Variants in STK38L observed in about 807,000 individuals in gnomAD.
STK38L encodes the protein serine/threonine kinase 38 like.
STK38L carries 28 observed loss-of-function variants against 59.7 expected under a neutral mutation model. That is an observed-to-expected ratio of 0.47 (90% CI 0.35 to 0.64). STK38L has a LOEUF of 0.64. Among genes scored for constraint, STK38L ranks in the 30% least tolerant of loss-of-function variants. The probability of loss-of-function intolerance (pLI) is 0.01; values close to 1 mark genes in which losing one functional copy is unlikely to be tolerated. For synonymous variants in STK38L, 162 were observed against 176.8 expected (o/e 0.92, Z 0.66); for missense variants, 314 against 555.8 (o/e 0.56, Z 4.37).
chr12:27,251,817 A>G (rs1942980749), intron 1 of STK38L, among the ~76,000 whole-genome samples: 1 of 152,242 alleles, frequency 6.6e-6, no homozygotes, highest in African/African-American at 2.4e-5. Flanking sequence ...ATGAAATGTT[A>G]AAGTCCTTAA....
At chr12:27,313,090 T>TA (rs998872205) in intron 6 of STK38L, among the ~76,000 whole-genome samples, 11 of 151,588 alleles carry the variant, frequency 7.3e-5, no homozygotes, top group African/African-American at 2.7e-4. Context: ...CTACTAAAAA[T>TA]AAAAAAAATT....
chr12:27,265,544 G>A (rs1385577309), intron 1 of STK38L, among the ~76,000 whole-genome samples: 2 of 152,184 alleles, frequency 1.3e-5, no homozygotes, highest in African/African-American at 4.8e-5. Context: ...TCTGTAAGCA[G>A]AGACCTCTGT....
At chr12:27,244,665 G>A (rs1942811238) in intron 1 of STK38L, among the ~76,000 whole-genome samples, 1 of 152,130 alleles carries the variant, frequency 6.6e-6, no homozygotes, top group Non-Finnish European at 1.5e-5. Context: ...CAAATGTCGC[G>A]GATCCTCTCC....
intron 1 of STK38L, among the ~76,000 whole-genome samples, chr12:27,266,571 T>A (rs1464417603): frequency 7.9e-5 from 12 of 152,230 alleles, no homozygotes; most frequent in Admixed American, 7.9e-4. Flanking sequence ...CACATGTTCA[T>A]ACAACACAGA....
chr12:27,317,201 C>T, intron 9 of STK38L, 135 bp from the exon 10 acceptor site: 1 of 653,234 alleles, frequency 1.5e-6, no homozygotes. Flanking sequence ...AAGCCTTGCA[C>T]ATGATAAACA....
chr12:27,262,709 TA>T (rs11350734), intron 1 of STK38L, among the ~76,000 whole-genome samples: 103,955 of 132,980 alleles, frequency 0.78, 40,928 homozygotes, highest in Non-Finnish European at 0.82. Flanking sequence ...TATCTCTAAT[TA>T]AAAAAAAAAA....
chr12:27,319,240 T>C lies in STK38L; in HGVS notation c.1080-88T>C, dbSNP rs1156480783. The C allele has an allele frequency of 6.3e-6, 5 of 788,874 alleles. No individual in the cohort carries two copies. The Admixed American group carries it at 1.3e-4, about 21-fold the overall frequency. The allele number at this position is 788,874 out of a possible 1,614,324, so 48.9% of individuals were successfully genotyped here. The stretch of plus-strand genomic sequence containing the variant: ...ATCAATAAAAGAAAAACATTATATT[T>C]CTTTAAAAAAGAAATATTTGAAGTA... On this transcript the variant is annotated intron_variant, in intron 11 of 13. Transcript: ENST00000389032.
intron 2 of STK38L, chr12:27,298,120 A>G (rs1489849799): frequency 3.0e-6 from 1 of 334,668 alleles, no homozygotes; most frequent in East Asian, 5.2e-5. Flanking sequence ...TGAAATTATG[A>G]TATGTCTTTA....
chr12:27,285,329 C>T (rs1485178743), intron 1 of STK38L, among the ~76,000 whole-genome samples: 1 of 152,110 alleles, frequency 6.6e-6, no homozygotes, highest in African/African-American at 2.4e-5. Flanking sequence ...TTCAGTGATG[C>T]AGAAGCTTTG....
At chr12:27,276,597 G>A (rs12370055) in intron 1 of STK38L, among the ~76,000 whole-genome samples, 15,461 of 152,166 alleles carry the variant, frequency 0.1, 1,039 homozygotes, top group Non-Finnish European at 0.15. Flanking sequence ...GTAGATACTA[G>A]TTAGTAAAAA....
intron 1 of STK38L, 102 bp from the exon 2 acceptor site, chr12:27,297,595 TGTTAACTGTTAGG>T: frequency 1.0e-6 from 1 of 971,054 alleles, no homozygotes; most frequent in East Asian, 2.6e-5. Context: ...TACTTGGATG[TGTTAACTGTTAGG>T]GTCGAATTTT....
intron 1 of STK38L, among the ~76,000 whole-genome samples, chr12:27,255,627 C>T (rs946690513): frequency 3.3e-5 from 5 of 152,112 alleles, no homozygotes; most frequent in African/African-American, 4.8e-5. Flanking sequence ...ATTTAAGTTC[C>T]TTGCCTAAAG....
intron 2 of STK38L, among the ~76,000 whole-genome samples, chr12:27,300,885 T>C (rs1944152783): frequency 6.6e-6 from 1 of 152,218 alleles, no homozygotes; most frequent in African/African-American, 2.4e-5. Context: ...AGCTTACCTT[T>C]GGACATGTAG....
rs1565554028 is a variant in STK38L at position 27,313,265 on chromosome 12, AAT to A, written c.517+595_517+596del. Among the ~76,000 whole-genome samples, 27 of 151,738 alleles carry A rather than the reference AAT, an allele frequency of 1.8e-4. 1 individual carries two copies. The highest frequency in any genetic ancestry group is 1.5e-3 in the South Asian group (7 of 4,814). On this transcript the variant is annotated intron_variant, in intron 6 of 13. Transcript: ENST00000389032. ...CTACGTCTCAAAAAAAAAAAAAAAAAATACCTGAGACTGTGTAATTTATAAAG... is the reference window on the plus strand; with the variant it reads ...CTACGTCTCAAAAAAAAAAAAAAAAAACCTGAGACTGTGTAATTTATAAAG...
chr12:27,291,459 T>A (rs1943894255), intron 1 of STK38L, among the ~76,000 whole-genome samples: 1 of 152,196 alleles, frequency 6.6e-6, no homozygotes, highest in African/African-American at 2.4e-5. Flanking sequence ...TTCTCCCTAC[T>A]TTGTGTCTCC....
chr12:27,281,101 T>G lies in STK38L; in HGVS notation c.-11-16609T>G, dbSNP rs1285753262. ...TTTTTTTTTTTTTTTTTTTTTTTTTTTTGAGACGGAGTCTCGCTCTGTCGC... is the reference window on the plus strand; with the variant it reads ...TTTTTTTTTTTTTTTTTTTTTTTTTGTTGAGACGGAGTCTCGCTCTGTCGC... On this transcript the variant is annotated intron_variant, in intron 1 of 13. Transcript: ENST00000389032. Among the ~76,000 whole-genome samples the G allele has an allele frequency of 2.8e-3, 9 of 3,170 alleles. 1 individual carries two copies. Among genetic ancestry groups the G allele is most frequent in the African/African-American group, 9.8e-3 (9 of 918 alleles). 2.1% of individuals were successfully genotyped at this position (3,170 alleles called of 152,430 possible).
chr12:27,287,409 C>T (rs141408952), intron 1 of STK38L, among the ~76,000 whole-genome samples: 2 of 152,216 alleles, frequency 1.3e-5, no homozygotes, highest in South Asian at 2.1e-4. Flanking sequence ...CACATCTGGG[C>T]GCTTTTAGAT....
chr12:27,279,561 C>A (rs901032844), intron 1 of STK38L, among the ~76,000 whole-genome samples: 1 of 150,792 alleles, frequency 6.6e-6, no homozygotes, highest in African/African-American at 2.4e-5. Context: ...CCTGTCTGTA[C>A]GAAAAAATAC....
At chr12:27,245,652 G>A (rs374574664) in intron 1 of STK38L, 1 of 152,142 alleles carries the variant, frequency 6.6e-6, no homozygotes, top group East Asian at 1.9e-4. Flanking sequence ...CAGTGGCTGA[G>A]AGGTATTGTA....
Sources: allele counts gnomAD v4.1 joint callset (sites outside exome capture counted in the v4.1 genomes callset), GRCh38; gene constraint gnomAD v4.1.1; transcripts MANE v1.5; gene names NCBI Gene and HGNC (gene_info 2026-07-23, HGNC 2026-07-21).